Variants in NGEF observed in about 807,000 individuals in gnomAD.
The protein encoded by NGEF is ephexin-1.
Under a neutral mutation model 80.9 loss-of-function variants are expected in NGEF, and 31 were observed. The ratio of observed to expected loss-of-function variants is 0.38; its 90% CI spans 0.29 to 0.52. NGEF has a LOEUF of 0.52. Among genes scored for constraint, NGEF ranks in the 20% least tolerant of loss-of-function variants. The probability of loss-of-function intolerance (pLI) is 0.84; values close to 1 mark genes in which losing one functional copy is unlikely to be tolerated. For missense variants in NGEF, 709 were observed against 926.2 expected (o/e 0.77, Z 3.04); for synonymous variants, 371 against 370.2 (o/e 1.00, Z -0.03).
intron 4 of NGEF, 120 bp from the exon 5 acceptor site, chr2:232,920,705 G>T: frequency 1.1e-6 from 1 of 941,808 alleles, no homozygotes; most frequent in Non-Finnish European, 1.5e-6. Flanking sequence ...GGAATACACA[G>T]TGCAAGCCAG....
intron 3 of NGEF, among the ~76,000 whole-genome samples, chr2:232,954,066 G>T (rs934966604): frequency 6.6e-6 from 1 of 152,150 alleles, no homozygotes; most frequent in Non-Finnish European, 1.5e-5. Flanking sequence ...TAACAGAGCC[G>T]AATGTCTACC....
chr2:232,921,666 T>C (rs1489372378), intron 4 of NGEF, among the ~76,000 whole-genome samples: 3 of 151,750 alleles, frequency 2.0e-5, no homozygotes, highest in Non-Finnish European at 2.9e-5. Context: ...CTTGCTATTT[T>C]ACCCAGGCTG....
chr2:232,891,261 T>C (rs1408672265), intron 8 of NGEF, 97 bp downstream of exon 8: 19 of 1,485,584 alleles, frequency 1.3e-5, no homozygotes, highest in Non-Finnish European at 1.7e-5. Context: ...TAGTATCTGT[T>C]GAACCAGTAG....
intron 3 of NGEF, among the ~76,000 whole-genome samples, chr2:232,936,333 T>C (rs1411586195): frequency 1.3e-5 from 2 of 152,240 alleles, no homozygotes; most frequent in Admixed American, 6.5e-5. Context: ...AAAATCAGTC[T>C]ATCCCTGTGT....
chr2:232,914,411 A>G (rs770550509), intron 5 of NGEF, among the ~76,000 whole-genome samples: 137 of 152,358 alleles, frequency 9.0e-4, no homozygotes, highest in Non-Finnish European at 1.4e-3. Flanking sequence ...CATGATGTAG[A>G]ACATTCCATC....
intron 8 of NGEF, 143 bp from the exon 9 acceptor site, chr2:232,888,250 A>G (rs919431446): frequency 3.5e-5 from 22 of 624,772 alleles, no homozygotes; most frequent in Middle Eastern, 5.1e-4. Context: ...ACGCACGCAC[A>G]CGCATACATG....
chr2:232,996,235 C>T (rs1234603427), intron 1 of NGEF, among the ~76,000 whole-genome samples: 1 of 151,976 alleles, frequency 6.6e-6, no homozygotes, highest in East Asian at 1.9e-4. Context: ...GGCTGAGGCA[C>T]GAGAATCGCT....
chr2:232,941,818 G>A (rs1693442971), intron 3 of NGEF, among the ~76,000 whole-genome samples: 1 of 152,112 alleles, frequency 6.6e-6, no homozygotes, highest in Admixed American at 6.5e-5. Flanking sequence ...ATCTACCTCT[G>A]CAAAAGCTCT....
At chr2:232,905,486 C>G (rs11682363) in intron 5 of NGEF, among the ~76,000 whole-genome samples, 17 of 152,280 alleles carry the variant, frequency 1.1e-4, no homozygotes, top group African/African-American at 4.1e-4. Flanking sequence ...TCTTGGCCCC[C>G]CAAAGTGCGG....
At chr2:232,897,009 T>G (rs1574998378) in intron 5 of NGEF, among the ~76,000 whole-genome samples, 3 of 101,764 alleles carry the variant, frequency 2.9e-5, no homozygotes, top group African/African-American at 1.2e-4. Context: ...CGGGTGAGGG[T>G]AGGGGCGAGT....
rs185113112 is a variant in NGEF, at chr2:232,906,872, A to G, written c.829-11956T>C. Among the ~76,000 whole-genome samples, 47 of 151,836 alleles carry G rather than the reference A, an allele frequency of 3.1e-4. No homozygotes were observed. In the East Asian group the frequency reaches 3.3e-3, roughly 11 times the overall value. ...TTCTGCCTTGGGATCCTGTTGATCT[A>G]TGACCTTACCCCCAACCCAGTGCTC... is the stretch of plus-strand genomic sequence containing the variant. On this transcript the variant is annotated intron_variant, in intron 5 of 14. Transcript: ENST00000264051.
At chr2:232,923,373 G>A (rs768868414) in intron 4 of NGEF, among the ~76,000 whole-genome samples, 15 of 152,220 alleles carry the variant, frequency 9.9e-5, no homozygotes, top group Non-Finnish European at 2.2e-4. Flanking sequence ...CCGGTTGGCA[G>A]AGGAGGGCTT....
At chr2:232,962,586 A>G (rs990436090) in intron 3 of NGEF, among the ~76,000 whole-genome samples, 1 of 151,950 alleles carries the variant, frequency 6.6e-6, no homozygotes, top group Non-Finnish European at 1.5e-5. Flanking sequence ...AGATCACAGG[A>G]TACTAGGTGA....
intron 4 of NGEF, 100 bp from the exon 5 acceptor site, chr2:232,920,685 G>A (rs1009489372): frequency 4.4e-5 from 55 of 1,238,420 alleles, no homozygotes; most frequent in Non-Finnish European, 5.7e-5. Context: ...AAGGGTGGCT[G>A]CTGTGTCCAG....
intron 5 of NGEF, among the ~76,000 whole-genome samples, chr2:232,913,430 C>A (rs1692729941): frequency 6.6e-6 from 1 of 152,132 alleles, no homozygotes; most frequent in African/African-American, 2.4e-5. Flanking sequence ...CACTTGAAAA[C>A]AATGTGTAAT....
At chr2:232,910,573 A>G (rs1692671188) in intron 5 of NGEF, among the ~76,000 whole-genome samples, 1 of 152,092 alleles carries the variant, frequency 6.6e-6, no homozygotes, top group African/African-American at 2.4e-5. Context: ...CACTGATGAG[A>G]CACTGCTACG....
chr2:232,952,191 C>G (rs1693691993), intron 3 of NGEF, among the ~76,000 whole-genome samples: 1 of 152,154 alleles, frequency 6.6e-6, no homozygotes, highest in African/African-American at 2.4e-5. Flanking sequence ...AGATATAAAG[C>G]CTGAGTAATA....
intron 3 of NGEF, among the ~76,000 whole-genome samples, chr2:232,951,384 C>T (rs1165777191): frequency 1.3e-5 from 2 of 152,226 alleles, no homozygotes; most frequent in South Asian, 4.1e-4. Context: ...CCCACAGATT[C>T]TTAGCTGTCT....
chr2:232,879,571 C>T lies in NGEF; in HGVS notation c.2051G>A (p.Cys684Tyr). 1.2e-6 allele frequency: 2 copies of T among 1,613,964 alleles called. No individual in the cohort carries two copies. Among genetic ancestry groups the T allele is most frequent in the Non-Finnish European group, 1.7e-6 (2 of 1,180,004 alleles). Reference protein sequence around the residue: ...PKIRSQNLKECFRVHKMDDPQ... With the variant: ...PKIRSQNLKEYFRVHKMDDPQ... ...GTCATCCATCTTGTGGACACGGAAACATTCCTTGAGGTTCTGGGACCGGAT... is the reference window on the plus strand; with the variant it reads ...GTCATCCATCTTGTGGACACGGAAATATTCCTTGAGGTTCTGGGACCGGAT... Residue 684 changes from cysteine (C) to tyrosine (Y), a missense_variant, in exon 15 of 15, where the codon TGT (cysteine) becomes TAT (tyrosine). Physicochemically the swap from Cys to Tyr is radical, Grantham distance 194. Coordinates refer to ENST00000264051, the MANE Select transcript of NGEF (RefSeq NM_019850.3).
Sources: allele counts gnomAD v4.1 joint callset (sites outside exome capture counted in the v4.1 genomes callset), GRCh38; gene constraint gnomAD v4.1.1; transcripts MANE v1.5; gene names NCBI Gene and HGNC (gene_info 2026-07-23, HGNC 2026-07-21).